Variants in IL1RAPL2 observed in about 807,000 individuals in gnomAD.
IL1RAPL2 encodes X-linked interleukin-1 receptor accessory protein-like 2.
Under a neutral mutation model 44.1 loss-of-function variants are expected in IL1RAPL2, and 3 were observed. The ratio of observed to expected loss-of-function variants is 0.07; its 90% CI spans 0.03 to 0.18. IL1RAPL2 has a LOEUF of 0.18. Ranked by LOEUF, IL1RAPL2 falls within the 10% of genes least tolerant of loss-of-function variation. The pLI, the probability that IL1RAPL2 is intolerant of heterozygous loss-of-function variation, is 1.00. For missense variants in IL1RAPL2, 391 were observed against 496.4 expected, an observed-to-expected ratio of 0.79 and a Z score of 2.02; for synonymous variants, 181 against 178.8, an observed-to-expected ratio of 1.01 and a Z score of -0.10.
chrX:104,888,236 C>CAGAG (rs201487810), intron 2 of IL1RAPL2, among the ~76,000 whole-genome samples: 8 of 88,496 alleles, frequency 9.0e-5, no homozygotes, highest in East Asian at 3.4e-4. Flanking sequence ...GACAGAAAGT[C>CAGAG]AGAGAGAGAG....
At chrX:104,602,846 A>C (rs1602638560) in intron 1 of IL1RAPL2, among the ~76,000 whole-genome samples, 1 of 111,358 alleles carries the variant, frequency 9.0e-6, no homozygotes, top group East Asian at 2.9e-4. Context: ...TATAGATAAA[A>C]TTCCCATCTC....
chrX:105,136,995 C>T (rs553400755), intron 2 of IL1RAPL2, among the ~76,000 whole-genome samples: 15 of 111,970 alleles, frequency 1.3e-4, no homozygotes, highest in African/African-American at 4.2e-4. Flanking sequence ...ACCCCATGCC[C>T]TGCCAAGTAA....
At chrX:104,654,068 T>A (rs1225925546) in intron 1 of IL1RAPL2, among the ~76,000 whole-genome samples, 2 of 109,883 alleles carry the variant, frequency 1.8e-5, no homozygotes, top group African/African-American at 6.6e-5. Context: ...CCACCCCCAA[T>A]GTCTACTGGT....
intron 6 of IL1RAPL2, among the ~76,000 whole-genome samples, chrX:105,528,865 C>T (rs1347576162): frequency 1.8e-5 from 2 of 111,298 alleles, no homozygotes; most frequent in African/African-American, 6.5e-5. Flanking sequence ...TAATATTTTT[C>T]TGATCCGGAA....
chrX:105,228,775 G>C (rs1379208859), intron 3 of IL1RAPL2, among the ~76,000 whole-genome samples: 1 of 112,053 alleles, frequency 8.9e-6, no homozygotes, highest in Non-Finnish European at 1.9e-5. Flanking sequence ...AGTTCTGAGA[G>C]TATCCAGGGG....
At chrX:105,114,470 C>T (rs960908420) in intron 2 of IL1RAPL2, among the ~76,000 whole-genome samples, 2 of 111,987 alleles carry the variant, frequency 1.8e-5, no homozygotes, top group Non-Finnish European at 3.8e-5. Flanking sequence ...TTAGGAGCCA[C>T]TCTTTGAGTC....
At chrX:105,392,218 C>T (rs2035530892) in intron 5 of IL1RAPL2, among the ~76,000 whole-genome samples, 2 of 109,639 alleles carry the variant, frequency 1.8e-5, no homozygotes, top group South Asian at 7.9e-4. Context: ...ATTCTGAATA[C>T]TTAATAGGCT....
At chrX:104,998,002 C>T (rs904277087) in intron 2 of IL1RAPL2, among the ~76,000 whole-genome samples, 2 of 111,030 alleles carry the variant, frequency 1.8e-5, no homozygotes, top group African/African-American at 6.6e-5. Context: ...TAAACACCAT[C>T]TGTGGGAAAA....
chrX:104,938,550 T>C (rs1925082123), intron 2 of IL1RAPL2, among the ~76,000 whole-genome samples: 1 of 111,526 alleles, frequency 9.0e-6, no homozygotes, highest in Non-Finnish European at 1.9e-5. Context: ...ATGACTTTGC[T>C]TCAGTGAAAT....
At chrX:105,219,517 G>A (rs1556175093) in intron 3 of IL1RAPL2, 2 of 1,209,400 alleles carry the variant, frequency 1.7e-6, no homozygotes, top group South Asian at 3.5e-5. Flanking sequence ...CTCCACGTGG[G>A]GGAACTGGGT....
At chrX:105,543,785 A>T (rs536558801) in intron 6 of IL1RAPL2, among the ~76,000 whole-genome samples, 2 of 112,159 alleles carry the variant, frequency 1.8e-5, no homozygotes, top group South Asian at 7.4e-4. Flanking sequence ...TGTTCCATTA[A>T]ATCTATGTTT....
At chrX:105,033,517 A>G (rs1435631835) in intron 2 of IL1RAPL2, among the ~76,000 whole-genome samples, 1 of 111,719 alleles carries the variant, frequency 9.0e-6, no homozygotes, top group Non-Finnish European at 1.9e-5. Flanking sequence ...TTCTGGGTTG[A>G]AAATTCTTTT....
chrX:105,134,576 GTACTTAA>G (rs1284512585), intron 2 of IL1RAPL2, among the ~76,000 whole-genome samples: 3 of 111,333 alleles, frequency 2.7e-5, no homozygotes, highest in Non-Finnish European at 5.7e-5. Context: ...TTTAGTTCAG[GTACTTAA>G]TACTACTGTC....
At chrX:105,044,832 G>A (rs963345026) in intron 2 of IL1RAPL2, among the ~76,000 whole-genome samples, 5 of 111,194 alleles carry the variant, frequency 4.5e-5, no homozygotes, top group Admixed American at 9.7e-5. Context: ...AGTAGGCCCA[G>A]CTGAGGACAG....
At chrX:105,452,746 A>G (rs1457154286) in intron 5 of IL1RAPL2, among the ~76,000 whole-genome samples, 2 of 111,217 alleles carry the variant, frequency 1.8e-5, no homozygotes, top group African/African-American at 6.5e-5. Context: ...AAGAACCAGA[A>G]TTCTCAATTA....
chrX:104,684,154 G>A (rs909457499), intron 2 of IL1RAPL2, among the ~76,000 whole-genome samples: 5 of 111,846 alleles, frequency 4.5e-5, no homozygotes, highest in Non-Finnish European at 7.5e-5. Context: ...AAATACATTT[G>A]GTCTGAAATA....
At chrX:104,741,696 TTTG>T (rs1003077977) in intron 2 of IL1RAPL2, among the ~76,000 whole-genome samples, 36 of 109,956 alleles carry the variant, frequency 3.3e-4, no homozygotes, top group African/African-American at 8.2e-4. Context: ...CAAGAAGAAG[TTTG>T]TTGTTGTTGT....
intron 5 of IL1RAPL2, among the ~76,000 whole-genome samples, chrX:105,380,862 C>A (rs2035424702): frequency 9.0e-6 from 1 of 111,083 alleles, no homozygotes; most frequent in African/African-American, 3.3e-5. Context: ...AGTGTGAATT[C>A]TCTGGGTTCC....
intron 10 of IL1RAPL2, among the ~76,000 whole-genome samples, chrX:105,761,220 TACACACACACACACACACAC>T (rs113089380): frequency 2.4e-5 from 2 of 84,156 alleles, no homozygotes; most frequent in African/African-American, 8.8e-5. Flanking sequence ...ACTCTTCCTA[TACACACACACACACACACAC>T]ACACACACAC....
Sources: allele counts gnomAD v4.1 joint callset (sites outside exome capture counted in the v4.1 genomes callset), GRCh38; gene constraint gnomAD v4.1.1; transcripts MANE v1.5; gene names NCBI Gene and HGNC (gene_info 2026-07-23, HGNC 2026-07-21).